The following LUZP2 variants were observed in gnomAD, a reference collection of about 807,000 sequenced individuals.
LUZP2 encodes the protein leucine zipper protein 2.
In LUZP2, 52 loss-of-function variants were observed where a neutral mutation model predicts 51.6. That is an observed-to-expected ratio of 1.01 (90% CI 0.81 to 1.27). The LOEUF is 1.27. Ranked by LOEUF, LUZP2 falls within the 50% of genes most tolerant of loss-of-function variation. The pLI, the probability that LUZP2 is intolerant of heterozygous loss-of-function variation, is 0.00. For missense variants in LUZP2, 436 were observed against 395.4 expected (o/e 1.10, Z -0.87); for synonymous variants, 154 against 137.3 (o/e 1.12, Z -0.85).
chr11:24,766,583 A>C (rs896178895), intron 5 of LUZP2, among the ~76,000 whole-genome samples: 32 of 152,224 alleles, frequency 2.1e-4, no homozygotes, highest in African/African-American at 7.5e-4. Flanking sequence ...CATTGAAACA[A>C]GAGATTTAAG....
chr11:24,827,692 C>G (rs559456722), intron 5 of LUZP2, among the ~76,000 whole-genome samples: 1 of 152,156 alleles, frequency 6.6e-6, no homozygotes, highest in East Asian at 1.9e-4. Context: ...GGCTTGTGGT[C>G]TATTATCAAC....
intron 9 of LUZP2, among the ~76,000 whole-genome samples, chr11:25,042,763 T>C (rs1858111783): frequency 6.6e-6 from 1 of 152,130 alleles, no homozygotes; most frequent in African/African-American, 2.4e-5. Context: ...CTGCCCCCAT[T>C]ACCACCTTGC....
chr11:24,866,307 G>C (rs1196085891), intron 5 of LUZP2, among the ~76,000 whole-genome samples: 1 of 152,114 alleles, frequency 6.6e-6, no homozygotes, highest in Non-Finnish European at 1.5e-5. Context: ...GAAAAAGACT[G>C]AATAATCTCA....
At chr11:24,777,846 A>C (rs1418315062) in intron 5 of LUZP2, among the ~76,000 whole-genome samples, 2 of 151,990 alleles carry the variant, frequency 1.3e-5, no homozygotes, top group Non-Finnish European at 2.9e-5. Context: ...ACAACATGAA[A>C]TCTCTCCCGT....
chr11:25,078,702 C>T lies in LUZP2; in HGVS notation c.*44C>T. The stretch of plus-strand genomic sequence containing the variant: ...AAAAACGTCCATTTGCTATTGTCTT[C>T]ATATTCTTTTTAGACCACAAGCTTG... On this transcript the variant is annotated 3_prime_UTR_variant, in exon 12 of 12. Transcript: ENST00000336930. 1 of 1,422,276 alleles carries T rather than the reference C, an allele frequency of 7.0e-7. No homozygotes were observed. Among genetic ancestry groups the T allele is most frequent in the Non-Finnish European group, 9.7e-7 (1 of 1,026,158 alleles). 88.1% of individuals were successfully genotyped at this position (1,422,276 alleles called of 1,614,324 possible). A position where few individuals can be genotyped will look rare whatever the true frequency, so the allele number is the denominator to read the frequency against.
intron 1 of LUZP2, among the ~76,000 whole-genome samples, chr11:24,677,124 G>A (rs12576818): frequency 0.19 from 28,290 of 151,750 alleles, 2,729 homozygotes; most frequent in East Asian, 0.33. Flanking sequence ...ATCATTTTTT[G>A]TCTATTTCCA....
chr11:25,016,351 A>G (rs1336563559), intron 9 of LUZP2, among the ~76,000 whole-genome samples: 2 of 151,950 alleles, frequency 1.3e-5, no homozygotes, highest in African/African-American at 4.8e-5. Flanking sequence ...ACCACTCTCT[A>G]TGCCTTTGTG....
chr11:24,879,821 T>C (rs943912902), intron 5 of LUZP2, among the ~76,000 whole-genome samples: 1 of 151,614 alleles, frequency 6.6e-6, no homozygotes, highest in African/African-American at 2.4e-5. Flanking sequence ...TGAGCTTGTA[T>C]CCAAATTGCA....
intron 9 of LUZP2, among the ~76,000 whole-genome samples, chr11:25,006,504 A>G (rs1305412525): frequency 2.0e-5 from 3 of 152,068 alleles, no homozygotes; most frequent in Non-Finnish European, 4.4e-5. Flanking sequence ...AATGCTCACA[A>G]CTCCAAAGAT....
chr11:24,601,617 G>A lies in LUZP2; in HGVS notation c.62+104312G>A, dbSNP rs549823961. ...TCGGGTAGCCTATCCAAATTAATTT[G>A]AATTTTCTCTGCCCAATATATTTTA... On this transcript the variant is annotated intron_variant, in intron 1 of 11. Coordinates refer to ENST00000336930, the MANE Select transcript of LUZP2 (RefSeq NM_001009909.4). 5.9e-5 allele frequency among the ~76,000 whole-genome samples: 9 copies of A among 151,516 alleles called. No individual in the cohort carries two copies. The South Asian group carries it at 1.9e-3, about 32-fold the overall frequency.
intron 5 of LUZP2, among the ~76,000 whole-genome samples, chr11:24,849,909 G>A (rs1851334434): frequency 6.6e-6 from 1 of 152,096 alleles, no homozygotes; most frequent in Non-Finnish European, 1.5e-5. Flanking sequence ...ACATTTGTTG[G>A]CTGCATAAGT....
At chr11:24,647,754 C>T (rs979895702) in intron 1 of LUZP2, among the ~76,000 whole-genome samples, 17 of 151,888 alleles carry the variant, frequency 1.1e-4, no homozygotes, top group Admixed American at 9.9e-4. Context: ...TTCTGAAATA[C>T]TCGATTTTTT....
chr11:24,803,896 T>C (rs933174750), intron 5 of LUZP2, among the ~76,000 whole-genome samples: 3 of 151,238 alleles, frequency 2.0e-5, no homozygotes, highest in Non-Finnish European at 4.4e-5. Flanking sequence ...GAAGAACTTA[T>C]GGTAAGTGAG....
intron 1 of LUZP2, among the ~76,000 whole-genome samples, chr11:24,572,486 T>C (rs1852476183): frequency 6.6e-6 from 1 of 152,020 alleles, no homozygotes; most frequent in Non-Finnish European, 1.5e-5. Context: ...TTTGTGTAAA[T>C]ATAGTACTAC....
At chr11:24,508,028 A>G (rs1296942039) in intron 1 of LUZP2, among the ~76,000 whole-genome samples, 1 of 151,796 alleles carries the variant, frequency 6.6e-6, no homozygotes, top group East Asian at 1.9e-4. Context: ...TAGCAATTAT[A>G]TAATACCATC....
chr11:24,653,836 G>A (rs1391957284), intron 1 of LUZP2, among the ~76,000 whole-genome samples: 1 of 152,104 alleles, frequency 6.6e-6, no homozygotes. Context: ...CATGTGTTAC[G>A]GTAAGATATG....
chr11:24,893,612 A>G (rs1233936876), intron 5 of LUZP2, among the ~76,000 whole-genome samples: 1 of 152,140 alleles, frequency 6.6e-6, no homozygotes, highest in Non-Finnish European at 1.5e-5. Flanking sequence ...TTTTAAATAT[A>G]CACATTTAAA....
chr11:24,654,166 G>A (rs926574595), intron 1 of LUZP2, among the ~76,000 whole-genome samples: 3 of 152,134 alleles, frequency 2.0e-5, no homozygotes, highest in Admixed American at 6.5e-5. Context: ...TAACTGGAAG[G>A]ATGACAATAT....
intron 1 of LUZP2, among the ~76,000 whole-genome samples, chr11:24,662,492 A>G (rs1023399471): frequency 2.0e-5 from 3 of 152,110 alleles, no homozygotes; most frequent in African/African-American, 7.2e-5. Flanking sequence ...AAAAATAAAA[A>G]ATGTTTGAGA....
Sources: allele counts gnomAD v4.1 joint callset (sites outside exome capture counted in the v4.1 genomes callset), GRCh38; gene constraint gnomAD v4.1.1; transcripts MANE v1.5; gene names NCBI Gene and HGNC (gene_info 2026-07-23, HGNC 2026-07-21).